The following KDM1B variants were observed in gnomAD, a reference collection of about 807,000 sequenced individuals.
KDM1B encodes the protein lysine-specific histone demethylase 2.
KDM1B carries 63 observed loss-of-function variants against 107.4 expected under a neutral mutation model. That is an observed-to-expected ratio of 0.59 (90% CI 0.48 to 0.72). The LOEUF is 0.72. Ranked by LOEUF, KDM1B falls within the 30% of genes least tolerant of loss-of-function variation. KDM1B has a pLI of 0.00. For synonymous variants in KDM1B, 363 were observed against 363.9 expected, an observed-to-expected ratio of 1.00 and a Z score of 0.03; for missense variants, 749 against 1,020.8, an observed-to-expected ratio of 0.73 and a Z score of 3.63.
chr6:18,165,402 T>G (rs1421261981), intron 5 of KDM1B, among the ~76,000 whole-genome samples: 9 of 152,026 alleles, frequency 5.9e-5, no homozygotes, highest in Non-Finnish European at 1.0e-4. Context: ...AGTGCTGGGA[T>G]TACAGGCGTG....
At chr6:18,199,382 G>A (rs1047382345) in intron 12 of KDM1B, among the ~76,000 whole-genome samples, 1 of 152,174 alleles carries the variant, frequency 6.6e-6, no homozygotes, top group African/African-American at 2.4e-5. Context: ...TCCCGCCATG[G>A]GAGGGAAATA....
At chr6:18,196,818 T>C (rs1787681620) in intron 10 of KDM1B, among the ~76,000 whole-genome samples, 1 of 152,058 alleles carries the variant, frequency 6.6e-6, no homozygotes, top group Non-Finnish European at 1.5e-5. Context: ...GTAAATATTA[T>C]GTCATTTTAC....
rs1316379181 is a variant in KDM1B at position 18,185,923 on chromosome 6, G to A, written c.573+113G>A. 3.0e-6 allele frequency: 3 copies of A among 1,013,696 alleles called. No homozygotes were observed. In the East Asian group the frequency reaches 7.2e-5, roughly 24 times the overall value. 62.8% of individuals were successfully genotyped at this position (1,013,696 alleles called of 1,614,324 possible). A position where few individuals can be genotyped will look rare whatever the true frequency, so the allele number is the denominator to read the frequency against. On this transcript the variant is annotated intron_variant, in intron 8 of 21. Coordinates refer to ENST00000650836, the MANE Select transcript of KDM1B (RefSeq NM_001364614.2). Reference sequence around the variant, plus strand: ...TTTCTTTCTCTTTGGTTGCTGATCAGTGACTTTTTAATCTAACATGGTAAC... The same window carrying A: ...TTTCTTTCTCTTTGGTTGCTGATCAATGACTTTTTAATCTAACATGGTAAC...
intron 16 of KDM1B, 88 bp downstream of exon 16, chr6:18,207,617 G>A (rs897180526): frequency 6.5e-7 from 1 of 1,528,588 alleles, no homozygotes; most frequent in African/African-American, 1.4e-5. Flanking sequence ...GGAGAATGGG[G>A]CTGGCTTTGG....
At position 18,191,412 on chromosome 6, in the gene KDM1B, G is replaced by T. The variant is rs993872452; in HGVS notation, c.969+31G>T. On this transcript the variant is annotated intron_variant, in intron 10 of 21. Transcript: ENST00000650836. This position sits in a 1 kb window ranked among gnomAD's most constrained non-coding sequence, Gnocchi z 5.1. ...TAAGGGCATGTTAGCCAATAGCACTGGACAGAGGAGGACCATGTTGAAAAG... is the reference window on the plus strand; with the variant it reads ...TAAGGGCATGTTAGCCAATAGCACTTGACAGAGGAGGACCATGTTGAAAAG... The T allele has an allele frequency of 3.9e-6, 6 of 1,521,728 alleles. No homozygotes were observed. The highest frequency in any genetic ancestry group is 4.4e-6 in the Non-Finnish European group (5 of 1,126,176). The allele number at this position is 1,521,728 out of a possible 1,614,324, so 94.3% of individuals were successfully genotyped here.
rs748073152 is a variant in KDM1B at position 18,197,602 on chromosome 6, A to G, written c.1162A>G (p.Ile388Val). ...KDYHNKSVII[I>V]GAGPAGLAAA... ...TCTTTTTAAGAAATCAGTCATCATT[A>G]TCGGGGCTGGTCCAGCAGGATTAGC... is the stretch of plus-strand genomic sequence containing the variant. Residue 388 changes from isoleucine to valine, a missense_variant, in exon 12 of 22, where the codon ATC becomes GTC. Coordinates refer to ENST00000650836, the MANE Select transcript of KDM1B (RefSeq NM_001364614.2). This position sits in a 1 kb window ranked among gnomAD's most constrained non-coding sequence, Gnocchi z 4.5. 6.2e-7 allele frequency: 1 copy of G among 1,613,840 alleles called. No homozygotes were observed. Among genetic ancestry groups the G allele is most frequent in the East Asian group, 2.2e-5 (1 of 44,876 alleles).
In KDM1B at chr6:18,204,771, G is replaced by A. The variant is rs2150989527; in HGVS notation, c.1532-766G>A. Among the ~76,000 whole-genome samples, 1 of 152,340 alleles carries A rather than the reference G, an allele frequency of 6.6e-6. No individual in the cohort carries two copies. Among genetic ancestry groups the A allele is most frequent in the East Asian group, 1.9e-4 (1 of 5,178 alleles). Reference sequence around the variant, plus strand: ...TTCTGGGGGCTTGCCACGGCCCGGTGATGCCCGACTATAAAGAATGGATGG... The same window carrying A: ...TTCTGGGGGCTTGCCACGGCCCGGTAATGCCCGACTATAAAGAATGGATGG... On this transcript the variant is annotated intron_variant, in intron 14 of 21. Transcript: ENST00000650836. This position sits in a 1 kb window ranked among gnomAD's most constrained non-coding sequence, Gnocchi z 4.9.
rs1785018913 is a variant in KDM1B at position 18,162,235 on chromosome 6, C to T, written c.216-600C>T. On this transcript the variant is annotated intron_variant, in intron 4 of 21. Coordinates refer to ENST00000650836, the MANE Select transcript of KDM1B (RefSeq NM_001364614.2). The surrounding 1 kb of genome is among the most constrained non-coding windows in gnomAD (Gnocchi z 4.1). ...ACTCAGGAGGCTGAGGCATGAGAAT[C>T]GCTTGAACCCAGGAGGCAGAGGTTG... Among the ~76,000 whole-genome samples the T allele has an allele frequency of 6.6e-6, 1 of 152,092 alleles. No homozygotes were observed. The highest frequency in any genetic ancestry group is 1.5e-5 in the Non-Finnish European group (1 of 68,016).
intron 17 of KDM1B, among the ~76,000 whole-genome samples, chr6:18,208,900 C>T (rs528346472): frequency 3.6e-4 from 54 of 151,326 alleles, no homozygotes; most frequent in Middle Eastern, 3.4e-3. Flanking sequence ...ATGATCCGCC[C>T]GCCTCGGCCT....
intron 14 of KDM1B, among the ~76,000 whole-genome samples, chr6:18,202,569 A>G (rs909785707): frequency 2.0e-5 from 3 of 152,214 alleles, no homozygotes; most frequent in Non-Finnish European, 2.9e-5. Context: ...TTGGCCTACA[A>G]TTTTGTGACC....
intron 20 of KDM1B, among the ~76,000 whole-genome samples, chr6:18,215,741 C>CTT (rs779967439): frequency 1.3e-4 from 18 of 140,710 alleles, no homozygotes; most frequent in African/African-American, 2.6e-4. Flanking sequence ...ACACACTTCC[C>CTT]TTTTTTTTTT....
chr6:18,222,492 G>C lies in KDM1B; in HGVS notation c.*500G>C, dbSNP rs1247540346. The C allele has an allele frequency of 4.9e-6, 1 of 202,704 alleles. No individual in the cohort carries two copies. The highest frequency in any genetic ancestry group is 1.0e-5 in the Non-Finnish European group (1 of 98,124). The allele number at this position is 202,704 out of a possible 1,614,324, so 12.6% of individuals were successfully genotyped here. ...TGAGCTTTTACTTAAAATTTAGATA[G>C]AACTTTTTTTTGGATACAGCACAAA... On this transcript the variant is annotated 3_prime_UTR_variant, in exon 22 of 22. Transcript: ENST00000650836.
chr6:18,210,352 T>TTTTG (rs1788756054), intron 17 of KDM1B, among the ~76,000 whole-genome samples: 1 of 46,468 alleles, frequency 2.2e-5, no homozygotes, highest in Non-Finnish European at 4.1e-5. Flanking sequence ...CTTTTTTTTT[T>TTTTG]TTTTTTTTTT....
In KDM1B at chr6:18,209,924, G is replaced by A. The variant is rs973570479; in HGVS notation, c.1866+1718G>A. Among the ~76,000 whole-genome samples the A allele has an allele frequency of 1.8e-4, 27 of 152,194 alleles. No individual in the cohort carries two copies. The highest frequency in any genetic ancestry group is 5.8e-4 in the African/African-American group (24 of 41,522). ...TACCTTTTAAAATTGCAAGTCACCC[G>A]ACAGTTCAGCCTCTGCTGTTCTGTA... On this transcript the variant is annotated intron_variant, in intron 17 of 21. Coordinates refer to ENST00000650836, the MANE Select transcript of KDM1B (RefSeq NM_001364614.2). The surrounding 1 kb of genome is among the most constrained non-coding windows in gnomAD (Gnocchi z 4.3).
chr6:18,199,024 A>G (rs1266212691), intron 12 of KDM1B, among the ~76,000 whole-genome samples: 2 of 148,782 alleles, frequency 1.3e-5, no homozygotes, highest in Non-Finnish European at 3.0e-5. Flanking sequence ...AAAAAAAAAA[A>G]AAAAAAAAAG....
intron 5 of KDM1B, among the ~76,000 whole-genome samples, chr6:18,163,142 ATTTCTT>A (rs1295026068): frequency 8.1e-6 from 1 of 123,800 alleles, no homozygotes; most frequent in African/African-American, 3.4e-5. Context: ...AATATCTGCC[ATTTCTT>A]TTTTTTTTTT....
Position 18,185,813 on chromosome 6 carries a change from G to C in KDM1B, c.573+3G>C, listed in dbSNP as rs1382712954. The C allele has an allele frequency of 6.2e-7, 1 of 1,613,616 alleles. No homozygotes were observed. The highest frequency in any genetic ancestry group is 8.5e-7 in the Non-Finnish European group (1 of 1,179,680). ...ATTGTTCCCTCCCAGAGGATCTAGT[G>C]AGTATTTCCGGATGGTGTGGATTGG... On this transcript the variant is annotated splice_donor_region_variant and intron_variant, in intron 8 of 21. Coordinates refer to ENST00000650836, the MANE Select transcript of KDM1B (RefSeq NM_001364614.2).
chr6:18,164,591 T>G (rs1785172537), intron 5 of KDM1B, among the ~76,000 whole-genome samples: 1 of 152,190 alleles, frequency 6.6e-6, no homozygotes, highest in South Asian at 2.1e-4. Flanking sequence ...TTTTTTAATG[T>G]TAGCATGATA....
At chr6:18,184,249 C>G (rs1045727730) in intron 7 of KDM1B, among the ~76,000 whole-genome samples, 1 of 150,200 alleles carries the variant, frequency 6.7e-6, no homozygotes, top group Non-Finnish European at 1.5e-5. Context: ...TGAATGGTAT[C>G]CTACACTATG....
Sources: gnomAD v4.1 joint callset for allele counts (sites outside exome capture counted in the v4.1 genomes callset) on GRCh38, gnomAD v4.1.1 for gene constraint, Gnocchi (gnomAD v3.1) non-coding constraint, MANE v1.5 for transcripts, NCBI Gene and HGNC (gene_info 2026-07-23, HGNC 2026-07-21) for gene names.